Variants in EDARADD observed in about 807,000 individuals in gnomAD.
EDARADD encodes EDAR associated via death domain.
In EDARADD, 20 loss-of-function variants were observed where a neutral mutation model predicts 25.6. The ratio of observed to expected loss-of-function variants is 0.78; its 90% CI spans 0.55 to 1.14. EDARADD has a LOEUF of 1.14. Ranked by LOEUF, EDARADD falls within the 50% of genes most tolerant of loss-of-function variation. The probability of loss-of-function intolerance (pLI) is 0.00; values close to 1 mark genes in which losing one functional copy is unlikely to be tolerated. For synonymous variants in EDARADD, 86 were observed against 94.4 expected (o/e 0.91, Z 0.52); for missense variants, 225 against 270.1 (o/e 0.83, Z 1.17).
At position 236,483,102 on chromosome 1, in the gene EDARADD, G is replaced by C. The variant is rs1214106913; in HGVS notation, c.*453G>C. 8 of 1,083,582 alleles carry C rather than the reference G, an allele frequency of 7.4e-6. No homozygotes were observed. The highest frequency in any genetic ancestry group is 1.1e-5 in the Non-Finnish European group (8 of 718,754). 67.1% of individuals were successfully genotyped at this position (1,083,582 alleles called of 1,614,324 possible). ...AAACAGCTACAAGGAATGCTTACCTGAGTGTCTGCAGCACCCTCCACTTCT... is the reference window on the plus strand; with the variant it reads ...AAACAGCTACAAGGAATGCTTACCTCAGTGTCTGCAGCACCCTCCACTTCT... On this transcript the variant is annotated 3_prime_UTR_variant, in exon 6 of 6. Transcript: ENST00000334232.
chr1:236,375,766 A>C (rs1391809822), intron 3 of EDARADD, among the ~76,000 whole-genome samples: 1 of 151,730 alleles, frequency 6.6e-6, no homozygotes, highest in Non-Finnish European at 1.5e-5. Flanking sequence ...GCATGCCTGT[A>C]GTCCCAGCTA....
rs1659053862 is a variant in EDARADD at position 236,462,108 on chromosome 1, A to G, written c.220-6123A>G. ...AACAAGGAAAAAGCACCGTGCCAAG[A>G]GTGGATTGGTTAACATCAGGGGACT... On this transcript the variant is annotated intron_variant, in intron 4 of 5. Coordinates refer to ENST00000334232, the MANE Select transcript of EDARADD (RefSeq NM_145861.4). 2.0e-5 allele frequency among the ~76,000 whole-genome samples: 3 copies of G among 152,164 alleles called. No homozygotes were observed. In the South Asian group the frequency reaches 6.2e-4, roughly 32 times the overall value.
chr1:236,454,206 T>C (rs1309691072), intron 4 of EDARADD, among the ~76,000 whole-genome samples: 1 of 152,100 alleles, frequency 6.6e-6, no homozygotes, highest in African/African-American at 2.4e-5. Flanking sequence ...CTACCACACC[T>C]GGCTAACTTT....
In EDARADD at chr1:236,398,229, A is replaced by T. The variant is rs188652192; in HGVS notation, c.61+3724A>T. Among the ~76,000 whole-genome samples the T allele has an allele frequency of 6.6e-6, 1 of 152,090 alleles. No homozygotes were observed. Among genetic ancestry groups the T allele is most frequent in the East Asian group, 1.9e-4 (1 of 5,176 alleles). Reference sequence around the variant, plus strand: ...AACCTCCGCCTCCCGGGTTCAAGAGATTCTCCTGTCTCAGCCTCCCAAGTA... The same window carrying T: ...AACCTCCGCCTCCCGGGTTCAAGAGTTTCTCCTGTCTCAGCCTCCCAAGTA... On this transcript the variant is annotated intron_variant, in intron 1 of 5. Transcript: ENST00000334232. This position sits in a 1 kb window ranked among gnomAD's most constrained non-coding sequence, Gnocchi z 4.1.
chr1:236,458,267 G>A (rs67890008), intron 4 of EDARADD, among the ~76,000 whole-genome samples: 17,601 of 152,204 alleles, frequency 0.12, 1,673 homozygotes, highest in African/African-American at 0.25. Context: ...TCCCATGCCC[G>A]TTGGCAGGAA....
chr1:236,465,506 C>T (rs1659163208), intron 4 of EDARADD, among the ~76,000 whole-genome samples: 1 of 152,170 alleles, frequency 6.6e-6, no homozygotes, highest in African/African-American at 2.4e-5. Flanking sequence ...CAGCAGGGTC[C>T]ATCTCAAACA....
chr1:236,466,698 G>C (rs1236273534), intron 4 of EDARADD, among the ~76,000 whole-genome samples: 1 of 152,168 alleles, frequency 6.6e-6, no homozygotes, highest in Non-Finnish European at 1.5e-5. Context: ...GTACACTGCT[G>C]AGACATGGCG....
At chr1:236,363,876 C>T (rs992262228) in intron 3 of EDARADD, among the ~76,000 whole-genome samples, 8 of 151,866 alleles carry the variant, frequency 5.3e-5, no homozygotes, top group African/African-American at 1.9e-4. Flanking sequence ...TATAAATTAC[C>T]CAGTCTTGGC....
intron 3 of EDARADD, among the ~76,000 whole-genome samples, chr1:236,359,816 A>T (rs1667025405): frequency 6.6e-6 from 1 of 152,218 alleles, no homozygotes; most frequent in Non-Finnish European, 1.5e-5. Flanking sequence ...GGTCCCTCCC[A>T]CAACACATGG....
At chr1:236,476,152 A>G (rs2103039218) in intron 5 of EDARADD, among the ~76,000 whole-genome samples, 1 of 152,274 alleles carries the variant, frequency 6.6e-6, no homozygotes, top group East Asian at 1.9e-4. Context: ...AAATCGTGCC[A>G]TTGCACTCCA....
At chr1:236,462,967 A>G (rs1436590304) in intron 4 of EDARADD, among the ~76,000 whole-genome samples, 1 of 152,232 alleles carries the variant, frequency 6.6e-6, no homozygotes, top group Non-Finnish European at 1.5e-5. Context: ...CTTCCCAGCC[A>G]GTGTTAAGAA....
rs201986008 is a variant in EDARADD at position 236,483,605 on chromosome 1, C to T, written c.*956C>T. ...GCAACTCCAAAGTCATCTTGCCAGT[C>T]CCGGTGTTCAATGTCATCAATGGCA... On this transcript the variant is annotated 3_prime_UTR_variant, in exon 6 of 6. Transcript: ENST00000334232. 1.1e-3 allele frequency: 1,653 copies of T among 1,512,916 alleles called. 26 individuals carry two copies. In the South Asian group the frequency reaches 0.018, roughly 16 times the overall value. The allele number at this position is 1,512,916 out of a possible 1,614,324, so 93.7% of individuals were successfully genotyped here.
At chr1:236,424,797 A>G (rs59941466) in intron 3 of EDARADD, among the ~76,000 whole-genome samples, 6,220 of 152,248 alleles carry the variant, frequency 0.041, 325 homozygotes, top group African/African-American at 0.12. Flanking sequence ...CCAATGGAAG[A>G]GTGCTGGCCT....
At chr1:236,358,736 CTG>C (rs1474273532) in intron 3 of EDARADD, among the ~76,000 whole-genome samples, 8 of 152,194 alleles carry the variant, frequency 5.3e-5, no homozygotes, top group African/African-American at 1.9e-4. Context: ...GTCTGAGAGA[CTG>C]TTTGTTATGA....
At chr1:236,436,231 C>T (rs1034109232) in intron 4 of EDARADD, among the ~76,000 whole-genome samples, 77 of 151,948 alleles carry the variant, frequency 5.1e-4, no homozygotes, top group African/African-American at 1.8e-3. Context: ...GATCTCAGCT[C>T]ACTGCAACTT....
chr1:236,401,837 A>G (rs1667616596), intron 1 of EDARADD, among the ~76,000 whole-genome samples: 1 of 152,204 alleles, frequency 6.6e-6, no homozygotes, highest in Non-Finnish European at 1.5e-5. Context: ...GAGGTAACCA[A>G]TTCAAAATGA....
chr1:236,480,096 C>CATATATATATATATATATAT (rs72215388), intron 5 of EDARADD, among the ~76,000 whole-genome samples: 6 of 77,834 alleles, frequency 7.7e-5, no homozygotes, highest in Non-Finnish European at 1.4e-4. Context: ...TTAAGTATGC[C>CATATATATATATATATATAT]ATATATATAT....
intron 4 of EDARADD, among the ~76,000 whole-genome samples, chr1:236,437,265 C>G (rs1443243821): frequency 6.6e-6 from 1 of 152,186 alleles, no homozygotes; most frequent in Admixed American, 6.5e-5. Flanking sequence ...GTTTTTCCCA[C>G]CCCTGGGGCA....
At chr1:236,414,422 C>T (rs1050154922) in intron 3 of EDARADD, 123 bp downstream of exon 3, 25 of 729,402 alleles carry the variant, frequency 3.4e-5, no homozygotes, top group African/African-American at 7.1e-5. Context: ...TAGATTAGCT[C>T]GTGACTTGTG....
Sources: allele counts gnomAD v4.1 joint callset (sites outside exome capture counted in the v4.1 genomes callset), GRCh38; gene constraint gnomAD v4.1.1; non-coding constraint Gnocchi (gnomAD v3.1); transcripts MANE v1.5; gene names NCBI Gene and HGNC (gene_info 2026-07-23, HGNC 2026-07-21).